The following CHD7 variants were observed in gnomAD, a reference collection of about 807,000 sequenced individuals.
CHD7 encodes the protein chromodomain helicase DNA binding protein 7, also known as ATP-dependent chromatin remodeler CHD7.
CHD7 carries 24 observed loss-of-function variants against 307.3 expected under a neutral mutation model. The observed-to-expected ratio is 0.08, with a 90% confidence interval of 0.06 to 0.11. CHD7 has a LOEUF of 0.11. Ranked by LOEUF, CHD7 falls within the 10% of genes least tolerant of loss-of-function variation. CHD7 has a pLI of 1.00. For synonymous variants in CHD7, 1,363 were observed against 1,349.9 expected, an observed-to-expected ratio of 1.01 and a Z score of -0.21; for missense variants, 3,106 against 3,727.1, an observed-to-expected ratio of 0.83 and a Z score of 4.34.
intron 3 of CHD7, among the ~76,000 whole-genome samples, chr8:60,782,531 C>T (rs1422672534): frequency 6.6e-6 from 1 of 152,176 alleles, no homozygotes. Flanking sequence ...TGGATCATAG[C>T]CATTTAGGAA....
In CHD7 at chr8:60,706,638, A is replaced by G. The variant is rs1444767325; in HGVS notation, c.-175+27556A>G. ...AGACAAATTTGAGATTATCACATTT[A>G]TCTTCAAATTATAAGGACAAAACTA... On this transcript the variant is annotated intron_variant, in intron 1 of 37. Coordinates refer to ENST00000423902, the MANE Select transcript of CHD7 (RefSeq NM_017780.4). Among the ~76,000 whole-genome samples the G allele has an allele frequency of 3.9e-5, 6 of 152,318 alleles. No individual in the cohort carries two copies. In the East Asian group the frequency reaches 1.2e-3, roughly 29 times the overall value.
chr8:60,719,836 G>A (rs141407420), intron 1 of CHD7, among the ~76,000 whole-genome samples: 50 of 152,306 alleles, frequency 3.3e-4, no homozygotes, highest in African/African-American at 9.6e-4. Context: ...AGGGTTATCA[G>A]CTAGCAGAAC....
Position 60,832,354 on chromosome 8 carries a change from G to A in CHD7, c.3778+1777G>A, listed in dbSNP as rs187140477. 3.3e-5 allele frequency among the ~76,000 whole-genome samples: 5 copies of A among 152,140 alleles called. No homozygotes were observed. The East Asian group carries it at 5.8e-4, about 18-fold the overall frequency. On this transcript the variant is annotated intron_variant, in intron 15 of 37. Transcript: ENST00000423902. ...AATTTCTTTTTGTGCTTTTAGTTTT[G>A]TCTTCTAAAGAGAGTATCATGTGTG...
intron 2 of CHD7, among the ~76,000 whole-genome samples, chr8:60,772,318 T>A (rs2150647707): frequency 6.6e-6 from 1 of 152,346 alleles, no homozygotes; most frequent in East Asian, 1.9e-4. Flanking sequence ...TGACAGTCTT[T>A]GAAGTTTGAC....
chr8:60,846,860 G>A (rs548902485), intron 23 of CHD7, among the ~76,000 whole-genome samples: 11 of 152,314 alleles, frequency 7.2e-5, no homozygotes, highest in South Asian at 2.1e-4. Context: ...GTTTGAACCC[G>A]AGTAGATGAG....
rs1347885772 is a variant in CHD7, at chr8:60,844,935, C to T, written c.4922C>T (p.Thr1641Ile). The change falls in exon 22 of 38, where the codon ACC becomes ATC. Residue 1641 changes from threonine (T) to isoleucine (I), a missense_variant. Coordinates refer to ENST00000423902, the MANE Select transcript of CHD7 (RefSeq NM_017780.4). ...KRQLTEQDVE[T>I]ICRTILVYCL... ...CAACTCACTGAGCAAGATGTAGAAACCATCTGCAGAACCATCCTGGTGTAC... is the reference window on the plus strand; with the variant it reads ...CAACTCACTGAGCAAGATGTAGAAATCATCTGCAGAACCATCCTGGTGTAC... The T allele has an allele frequency of 6.2e-7, 1 of 1,613,808 alleles. No homozygotes were observed. The highest frequency in any genetic ancestry group is 8.5e-7 in the Non-Finnish European group (1 of 1,179,742).
chr8:60,699,642 G>A (rs953813035), intron 1 of CHD7, among the ~76,000 whole-genome samples: 1 of 151,788 alleles, frequency 6.6e-6, no homozygotes, highest in African/African-American at 2.4e-5. Context: ...CAGTACTCTT[G>A]GATGAGGTGG....
intron 14 of CHD7, among the ~76,000 whole-genome samples, chr8:60,829,510 A>G (rs971671036): frequency 6.6e-6 from 1 of 152,206 alleles, no homozygotes; most frequent in Non-Finnish European, 1.5e-5. Flanking sequence ...CTGAGGCAGG[A>G]GAATCACTTG....
At chr8:60,851,235 A>G in intron 27 of CHD7, 27 bp from the exon 28 acceptor site, 1 of 1,546,484 alleles carries the variant, frequency 6.5e-7, no homozygotes, top group Non-Finnish European at 8.8e-7. Context: ...AAATTAAAGT[A>G]ATTCTGTTTC....
At chr8:60,707,988 G>A (rs1807098113) in intron 1 of CHD7, among the ~76,000 whole-genome samples, 2 of 152,220 alleles carry the variant, frequency 1.3e-5, no homozygotes, top group African/African-American at 4.8e-5. Flanking sequence ...TAAAGTGTGG[G>A]TGAGGGTTCC....
Position 60,822,134 on chromosome 8 carries a change from T to G in CHD7, c.2946T>G (p.Asn982Lys). 6.2e-7 allele frequency: 1 copy of G among 1,613,680 alleles called. No individual in the cohort carries two copies. Among genetic ancestry groups the G allele is most frequent in the Non-Finnish European group, 8.5e-7 (1 of 1,179,654 alleles). Residue 982 changes from asparagine (N) to lysine (K), a missense_variant, in exon 11 of 38, where the codon AAT becomes AAG. Asn to Lys is a moderately conservative substitution (Grantham distance 94). Coordinates refer to ENST00000423902, the MANE Select transcript of CHD7 (RefSeq NM_017780.4). Reference protein sequence around the residue: ...QLEGVNWLLFNWYNMRNCILA... With the variant: ...QLEGVNWLLFKWYNMRNCILA... The stretch of plus-strand genomic sequence containing the variant: ...AGGGAGTAAACTGGCTACTTTTCAA[T>G]TGGTACAACATGTATGTAAAACAAG...
intron 1 of CHD7, among the ~76,000 whole-genome samples, chr8:60,716,133 T>A (rs1205975905): frequency 6.6e-6 from 1 of 152,252 alleles, no homozygotes; most frequent in Non-Finnish European, 1.5e-5. Context: ...ATGCAGAGTC[T>A]GATACCTTTT....
rs192129106 is a variant in CHD7, at chr8:60,807,992, G to A, written c.2443-225G>A. Reference sequence around the variant, plus strand: ...TTAGGGAGGAGTTAAAGTGATTCATGTCTTAGAAGCTCTCGCACGTTGAGC... The same window carrying A: ...TTAGGGAGGAGTTAAAGTGATTCATATCTTAGAAGCTCTCGCACGTTGAGC... On this transcript the variant is annotated intron_variant, in intron 6 of 37. Transcript: ENST00000423902. 1.2e-3 allele frequency among the ~76,000 whole-genome samples: 187 copies of A among 152,358 alleles called. 4 individuals are homozygous for A. Among genetic ancestry groups the A allele is most frequent in the Middle Eastern group, 0.01 (3 of 294 alleles).
chr8:60,682,475 C>T (rs1176532846), intron 1 of CHD7, among the ~76,000 whole-genome samples: 1 of 152,138 alleles, frequency 6.6e-6, no homozygotes, highest in Non-Finnish European at 1.5e-5. Context: ...CTGTGTAACC[C>T]ATAAAAGCCA....
chr8:60,749,006 G>A (rs1345963779), intron 2 of CHD7, among the ~76,000 whole-genome samples: 1 of 150,780 alleles, frequency 6.6e-6, no homozygotes, highest in Admixed American at 6.6e-5. Context: ...AGCCTTTCAG[G>A]GAAAACCTTT....
intron 2 of CHD7, among the ~76,000 whole-genome samples, chr8:60,757,389 T>G (rs1272042972): frequency 1.3e-5 from 2 of 152,246 alleles, no homozygotes; most frequent in African/African-American, 4.8e-5. Context: ...CAAACTTTTT[T>G]GTCTCCTAAG....
intron 1 of CHD7, among the ~76,000 whole-genome samples, chr8:60,733,073 G>GA (rs200085272): frequency 6.7e-5 from 10 of 148,928 alleles, no homozygotes; most frequent in Non-Finnish European, 1.3e-4. Context: ...TGTTTCCCAG[G>GA]AAAAAAAAAA....
At chr8:60,723,797 T>C (rs1363314556) in intron 1 of CHD7, among the ~76,000 whole-genome samples, 1 of 152,222 alleles carries the variant, frequency 6.6e-6, no homozygotes, top group African/African-American at 2.4e-5. Flanking sequence ...TTGTAAGGCC[T>C]CAAATGCTTG....
At chr8:60,759,402 T>A (rs1044545663) in intron 2 of CHD7, among the ~76,000 whole-genome samples, 3 of 151,656 alleles carry the variant, frequency 2.0e-5, no homozygotes, top group African/African-American at 4.8e-5. Flanking sequence ...CCTCTCTCTC[T>A]CTCCGCCTCC....
Sources: gnomAD v4.1 joint callset for allele counts (sites outside exome capture counted in the v4.1 genomes callset) on GRCh38, gnomAD v4.1.1 for gene constraint, MANE v1.5 for transcripts, NCBI Gene and HGNC (gene_info 2026-07-23, HGNC 2026-07-21) for gene names.